The following KCNA6 variants were observed in gnomAD, a reference collection of about 807,000 sequenced individuals.
KCNA6 encodes human brain potassium channel-2.
A neutral mutation model predicts 29.5 loss-of-function variants in KCNA6; 17 were observed. The observed-to-expected ratio is 0.58, with a 90% CI of 0.39 to 0.86. The LOEUF is 0.86. Ranked by LOEUF, KCNA6 falls within the 40% of genes least tolerant of loss-of-function variation. The pLI is 0.00. For synonymous variants in KCNA6, 296 were observed against 304.7 expected (o/e 0.97, Z 0.30); for missense variants, 450 against 703.4 (o/e 0.64, Z 4.07).
chr12:4,846,774 T>C, the KCNA6 span, among the ~76,000 whole-genome samples: 1 of 66,020 alleles, frequency 1.5e-5, no homozygotes, highest in Admixed American at 1.4e-4. Flanking sequence ...TCTTTTTTTT[T>C]TTTTTTTTTT....
At chr12:4,822,505 C>T in the KCNA6 span, among the ~76,000 whole-genome samples, 1 of 152,134 alleles carries the variant, frequency 6.6e-6, no homozygotes, top group Non-Finnish European at 1.5e-5. Context: ...TGTGAGGCTG[C>T]ACAGAGAAGA....
the KCNA6 span, among the ~76,000 whole-genome samples, chr12:4,824,580 A>G: frequency 1.3e-5 from 2 of 152,300 alleles, no homozygotes; most frequent in Admixed American, 6.5e-5. Flanking sequence ...CCCATTGAGA[A>G]TCCCCGAGAT....
At chr12:4,815,022 A>C (rs901476103), downstream of KCNA6, among the ~76,000 whole-genome samples, 2 of 151,932 alleles carry the variant, frequency 1.3e-5, no homozygotes, top group Admixed American at 1.3e-4. Context: ...GTAAAAAATT[A>C]TCTCTTTTTC....
downstream of KCNA6, chr12:4,814,513 G>C (rs527936597): frequency 6.0e-6 from 1 of 167,234 alleles, no homozygotes; most frequent in Admixed American, 6.5e-5. This position sits in a 1 kb window ranked among gnomAD's most constrained non-coding sequence, Gnocchi z 4.6. Flanking sequence ...GCTCGACCTA[G>C]TTTCTGTGAA....
At chr12:4,826,938 AT>A in the KCNA6 span, among the ~76,000 whole-genome samples, 1 of 152,300 alleles carries the variant, frequency 6.6e-6, no homozygotes, top group East Asian at 1.9e-4. Flanking sequence ...AAGAGAGACA[AT>A]AGTTTTTATC....
downstream of KCNA6, among the ~76,000 whole-genome samples, chr12:4,816,808 C>T (rs935895105): frequency 6.6e-5 from 10 of 152,050 alleles, no homozygotes; most frequent in East Asian, 7.7e-4. Context: ...TGGACGGTAA[C>T]GGCCTTCATT....
chr12:4,822,793 C>G, the KCNA6 span, among the ~76,000 whole-genome samples: 1 of 152,148 alleles, frequency 6.6e-6, no homozygotes, highest in East Asian at 1.9e-4. Flanking sequence ...GACTGGCCAC[C>G]CAGCCACGGG....
chr12:4,818,993 C>T, the KCNA6 span, among the ~76,000 whole-genome samples: 6 of 152,018 alleles, frequency 3.9e-5, no homozygotes, highest in East Asian at 1.9e-4. Flanking sequence ...TATACACACA[C>T]GTATATATAC....
the KCNA6 span, among the ~76,000 whole-genome samples, chr12:4,823,248 T>C: frequency 6.6e-6 from 1 of 152,062 alleles, no homozygotes; most frequent in African/African-American, 2.4e-5. Flanking sequence ...AACTACACAA[T>C]ATAGTTAAAA....
Position 4,811,334 on chromosome 12 carries a change from G to A in KCNA6, c.1293G>A (p.Met431Ile). ...TAGGTTACGGGGACATGTACCCCAT[G>A]ACTGTGGGGGGAAAGATCGTGGGCT... The change falls in exon 1 of 1, where the codon ATG becomes ATA. Residue 431 changes from methionine to isoleucine, a missense_variant. Physicochemically the swap from Met to Ile is conservative, Grantham distance 10 (BLOSUM62 1). Around this residue, in one of 7 missense-constraint regions of KCNA6, gnomAD observed 57 missense variants for 140.3 expected, o/e 0.41. Coordinates refer to ENST00000280684, the Ensembl canonical transcript of KCNA6. This position sits in a 1 kb window ranked among gnomAD's most constrained non-coding sequence, Gnocchi z 7.1. 6.2e-7 allele frequency: 1 copy of A among 1,613,996 alleles called. No homozygotes were observed. Among genetic ancestry groups the A allele is most frequent in the Non-Finnish European group, 8.5e-7 (1 of 1,179,834 alleles).
chr12:4,835,385 C>T, the KCNA6 span, among the ~76,000 whole-genome samples: 68 of 152,158 alleles, frequency 4.5e-4, 1 homozygote, highest in Non-Finnish European at 7.6e-4. Context: ...CCGCCCGCCT[C>T]AGCCTCCCAA....
the KCNA6 span, among the ~76,000 whole-genome samples, chr12:4,836,450 G>A: frequency 6.6e-6 from 1 of 152,100 alleles, no homozygotes; most frequent in South Asian, 2.1e-4. Flanking sequence ...ACTTCAGCAG[G>A]GCCTTGGAAG....
At chr12:4,830,593 C>T in the KCNA6 span, among the ~76,000 whole-genome samples, 1 of 152,234 alleles carries the variant, frequency 6.6e-6, no homozygotes, top group African/African-American at 2.4e-5. Flanking sequence ...CCCCGCAACC[C>T]GCTGCGGGCT....
the KCNA6 span, among the ~76,000 whole-genome samples, chr12:4,843,578 C>A: frequency 6.6e-6 from 1 of 152,106 alleles, no homozygotes; most frequent in African/African-American, 2.4e-5. Context: ...TAAGGAAATA[C>A]CTGAGAGTGG....
chr12:4,823,115 T>C, the KCNA6 span, among the ~76,000 whole-genome samples: 1 of 152,244 alleles, frequency 6.6e-6, no homozygotes, highest in East Asian at 1.9e-4. Flanking sequence ...TGAATGCTTG[T>C]AGGCCTCACT....
the KCNA6 span, among the ~76,000 whole-genome samples, chr12:4,822,293 G>A: frequency 2.6e-5 from 4 of 152,168 alleles, no homozygotes; most frequent in Non-Finnish European, 4.4e-5. Context: ...GTAACCCCTG[G>A]GGACACTGGT....
chr12:4,813,561 A>C (rs901160942), downstream of KCNA6: 7 of 167,032 alleles, frequency 4.2e-5, no homozygotes, highest in Non-Finnish European at 8.8e-5. Context: ...CTTACCCTTC[A>C]GAAAGGAGAG....
the KCNA6 span, among the ~76,000 whole-genome samples, chr12:4,821,417 GATGTGTGTGTGT>G: frequency 9.5e-6 from 1 of 105,266 alleles, no homozygotes; most frequent in African/African-American, 3.9e-5. Context: ...TACTCACTTG[GATGTGTGTGTGT>G]GTGTGTGTGT....
the KCNA6 span, among the ~76,000 whole-genome samples, chr12:4,827,245 C>CCT: frequency 2.7e-3 from 274 of 103,028 alleles, no homozygotes; most frequent in African/African-American, 9.7e-3. Context: ...CCTTCCTTCC[C>CCT]TCCTTCCTTC....
Sources: allele counts gnomAD v4.1 joint callset (sites outside exome capture counted in the v4.1 genomes callset), GRCh38; gene constraint gnomAD v4.1.1; regional missense constraint gnomAD v4.1.1; non-coding constraint Gnocchi (gnomAD v3.1); transcripts MANE v1.5; gene names NCBI Gene and HGNC (gene_info 2026-07-23, HGNC 2026-07-21).